PLXNA2: variants seen among roughly 807,000 people sequenced by gnomAD.
The protein encoded by PLXNA2 is plexin-A2.
Under a neutral mutation model 193.5 loss-of-function variants are expected in PLXNA2, and 91 were observed. That is an observed-to-expected ratio of 0.47 (90% CI 0.40 to 0.56). PLXNA2 has a LOEUF of 0.56. Ranked by LOEUF, PLXNA2 falls within the 20% of genes least tolerant of loss-of-function variation. The pLI, the probability that PLXNA2 is intolerant of heterozygous loss-of-function variation, is 0.00. For synonymous variants in PLXNA2, 997 were observed against 1,027.3 expected (o/e 0.97, Z 0.56); for missense variants, 1,995 against 2,503.2 (o/e 0.80, Z 4.33).
Position 208,217,700 on chromosome 1 carries a change from C to T in PLXNA2, c.223G>A (p.Gly75Ser), listed in dbSNP as rs756229066. ...TGAGCCACCTGGATGGTCAGGTTGCCTGTCAGCTTATAGACCCGGTTGATG... is the reference window on the plus strand; with the variant it reads ...TGAGCCACCTGGATGGTCAGGTTGCTTGTCAGCTTATAGACCCGGTTGATG... ...GAINRVYKLT[G>S]NLTIQVAHKT... Residue 75 changes from glycine to serine, a missense_variant, in exon 2 of 32, where the codon GGC becomes AGC. Gly to Ser is a moderately conservative substitution (Grantham distance 56, BLOSUM62 0). Around this residue, in one of 3 missense-constraint regions of PLXNA2, gnomAD observed 702 missense variants for 812.9 expected, o/e 0.86. Transcript: ENST00000367033. This position sits in a 1 kb window ranked among gnomAD's most constrained non-coding sequence, Gnocchi z 4.7. 1.2e-6 allele frequency: 2 copies of T among 1,614,216 alleles called. No individual in the cohort carries two copies. Among genetic ancestry groups the T allele is most frequent in the Admixed American group, 3.3e-5 (2 of 60,032 alleles).
chr1:208,238,510 C>T (rs1158181439), intron 1 of PLXNA2, among the ~76,000 whole-genome samples: 2 of 152,150 alleles, frequency 1.3e-5, no homozygotes, highest in Non-Finnish European at 2.9e-5. Flanking sequence ...TCTCTGGTCT[C>T]CTGCCCATCC....
At chr1:208,167,258 G>T (rs1455481339) in intron 3 of PLXNA2, among the ~76,000 whole-genome samples, 1 of 152,154 alleles carries the variant, frequency 6.6e-6, no homozygotes, top group Non-Finnish European at 1.5e-5. Flanking sequence ...CAGGAAGGGA[G>T]AAAAGAACAC....
rs908687859 is a variant in PLXNA2 at position 208,051,229 on chromosome 1, G to A, written c.3161+27C>T. The A allele has an allele frequency of 7.5e-6, 12 of 1,597,642 alleles. No homozygotes were observed. In the South Asian group the frequency reaches 9.0e-5, roughly 12 times the overall value. On this transcript the variant is annotated intron_variant, in intron 16 of 31. Coordinates refer to ENST00000367033, the MANE Select transcript of PLXNA2 (RefSeq NM_025179.4). The stretch of plus-strand genomic sequence containing the variant: ...AGGGATCATGCTGGGTGGCTTCCAG[G>A]TGCATCCCTCCCACCTTCCACCTCA...
At chr1:208,084,974 C>T (rs560565009) in intron 9 of PLXNA2, among the ~76,000 whole-genome samples, 8 of 152,260 alleles carry the variant, frequency 5.3e-5, no homozygotes, top group African/African-American at 1.9e-4. Context: ...TGTCTGATGC[C>T]GATGCCTGGG....
chr1:208,086,687 AGCCAGTCACTC>A (rs992449000), intron 9 of PLXNA2, among the ~76,000 whole-genome samples: 4 of 151,280 alleles, frequency 2.6e-5, no homozygotes, highest in Admixed American at 6.6e-5. Context: ...CCTGTTTAGG[AGCCAGTCACTC>A]AAGCTGCCAA....
At position 208,045,078 on chromosome 1, in the gene PLXNA2, G is replaced by A; in HGVS notation, c.3628C>T (p.His1210Tyr). 6.2e-7 allele frequency: 1 copy of A among 1,614,168 alleles called. No individual in the cohort carries two copies. Among genetic ancestry groups the A allele is most frequent in the Non-Finnish European group, 8.5e-7 (1 of 1,180,028 alleles). Residue 1210 changes from histidine (H) to tyrosine (Y), a missense_variant, in exon 19 of 32, where the codon CAC (histidine) becomes TAC (tyrosine). By Grantham distance (83) the His-to-Tyr change is moderately conservative. Around this residue, in one of 3 missense-constraint regions of PLXNA2, gnomAD observed 1,291 missense variants for 1,673.6 expected, o/e 0.77. Coordinates refer to ENST00000367033, the MANE Select transcript of PLXNA2 (RefSeq NM_025179.4). ...LCEPPNLTGQ[H>Y]KVMVHVGGMV... ...CAGGGCTCACTCACCATGACCTTGT[G>A]CTGCCCGGTGAGGTTGGGAGGCTCG...
chr1:208,085,085 T>TC (rs11405177), intron 9 of PLXNA2, among the ~76,000 whole-genome samples: 1 of 32,196 alleles, frequency 3.1e-5, no homozygotes, highest in Non-Finnish European at 7.9e-5. Flanking sequence ...ACTTGCTCTG[T>TC]TTTTTTTTTT....
chr1:208,182,346 T>G (rs1456615920), intron 3 of PLXNA2, among the ~76,000 whole-genome samples: 1 of 152,054 alleles, frequency 6.6e-6, no homozygotes, highest in Non-Finnish European at 1.5e-5. Context: ...GGCAGGAGAA[T>G]TGCTTGCACC....
intron 12 of PLXNA2, among the ~76,000 whole-genome samples, chr1:208,062,885 T>C (rs149271877): frequency 1.9e-3 from 284 of 152,300 alleles, no homozygotes; most frequent in South Asian, 3.3e-3. Context: ...CTGGCACAGT[T>C]TCCTCAGGGA....
chr1:208,135,123 T>C (rs1264790773), intron 4 of PLXNA2, among the ~76,000 whole-genome samples: 1 of 151,336 alleles, frequency 6.6e-6, no homozygotes, highest in East Asian at 1.9e-4. Context: ...CCCCAGATAC[T>C]GCGTAGGGTC....
intron 3 of PLXNA2, among the ~76,000 whole-genome samples, chr1:208,207,648 C>T (rs1670777655): frequency 6.6e-6 from 1 of 152,060 alleles, no homozygotes; most frequent in African/African-American, 2.4e-5. Flanking sequence ...CTTTATTTTC[C>T]TTCCTGTGTT....
At chr1:208,166,975 A>G in intron 3 of PLXNA2, among the ~76,000 whole-genome samples, 1 of 152,168 alleles carries the variant, frequency 6.6e-6, no homozygotes, top group East Asian at 1.9e-4. Flanking sequence ...ACCTGGGGCT[A>G]CTGAATGAGA....
At chr1:208,187,234 G>C (rs1251455764) in intron 3 of PLXNA2, among the ~76,000 whole-genome samples, 6 of 152,160 alleles carry the variant, frequency 3.9e-5, no homozygotes, top group Non-Finnish European at 2.9e-5. Flanking sequence ...AGGACCTGGA[G>C]ACCCTTAGAG....
chr1:208,244,314 G>T lies in PLXNA2; in HGVS notation c.-752C>A. ...CTCTGGCTCCCGCGGTGGCGGCGGC[G>T]GCGGCGGCGGCGGCGGCGGCGGAGG... On this transcript the variant is annotated 5_prime_UTR_variant, in exon 1 of 32. Coordinates refer to ENST00000367033, the MANE Select transcript of PLXNA2 (RefSeq NM_025179.4). The T allele has an allele frequency of 5.0e-6, 1 of 202,002 alleles. No individual in the cohort carries two copies. 12.5% of individuals were successfully genotyped at this position (202,002 alleles called of 1,614,324 possible).
At chr1:208,166,301 C>T (rs1006346235) in intron 3 of PLXNA2, among the ~76,000 whole-genome samples, 2 of 152,208 alleles carry the variant, frequency 1.3e-5, no homozygotes, top group African/African-American at 4.8e-5. Flanking sequence ...AGATGTTAGG[C>T]TGGCTTGGAC....
In PLXNA2 at chr1:208,039,708, C is replaced by T. The variant is rs997551330; in HGVS notation, c.4413G>A (p.Lys1471=). 1.2e-6 allele frequency: 2 copies of T among 1,614,088 alleles called. No individual in the cohort carries two copies. Among genetic ancestry groups the T allele is most frequent in the African/African-American group, 1.3e-5 (1 of 74,928 alleles). The change falls in exon 24 of 32, where the codon AAG becomes AAA. Residue 1471 remains lysine (K), a synonymous_variant. Transcript: ENST00000367033. ...LYCAIKQQME[K]GPIDAITGEA... The stretch of plus-strand genomic sequence containing the variant: ...CGCCCGTGATGGCATCAATGGGGCC[C>T]TTCTCCATCTGCTGCTTGATGGCAC...
At chr1:208,041,564 C>T (rs562885612) in intron 22 of PLXNA2, among the ~76,000 whole-genome samples, 9 of 152,318 alleles carry the variant, frequency 5.9e-5, no homozygotes, top group East Asian at 3.9e-4. Context: ...TGTGCGGTCC[C>T]GTATGGTGGC....
chr1:208,238,640 T>A (rs1445746128), intron 1 of PLXNA2, among the ~76,000 whole-genome samples: 2 of 152,256 alleles, frequency 1.3e-5, no homozygotes, highest in Admixed American at 6.5e-5. Flanking sequence ...GGGGGAATTA[T>A]AATTCAGAGA....
chr1:208,234,549 C>T (rs1390274526), intron 1 of PLXNA2, among the ~76,000 whole-genome samples: 3 of 152,160 alleles, frequency 2.0e-5, no homozygotes, highest in Non-Finnish European at 4.4e-5. Flanking sequence ...TGCTTCTCCC[C>T]AGACATCCTG....
Sources: gnomAD v4.1 joint callset for allele counts (sites outside exome capture counted in the v4.1 genomes callset) on GRCh38, gnomAD v4.1.1 for gene constraint, gnomAD v4.1.1 regional missense constraint, Gnocchi (gnomAD v3.1) non-coding constraint, MANE v1.5 for transcripts, NCBI Gene and HGNC (gene_info 2026-07-23, HGNC 2026-07-21) for gene names.